Variants in TET1 observed in about 807,000 individuals in gnomAD.
The protein encoded by TET1 is tet methylcytosine dioxygenase 1.
TET1 carries 13 observed loss-of-function variants against 148.7 expected under a neutral mutation model. The observed-to-expected ratio is 0.09, with a 90% CI of 0.06 to 0.14. TET1 has a LOEUF of 0.14. Ranked by LOEUF, TET1 falls within the 10% of genes least tolerant of loss-of-function variation. The pLI is 1.00. For missense variants in TET1, 2,182 were observed against 2,553.8 expected (o/e 0.85, Z 3.14); for synonymous variants, 907 against 937.2 (o/e 0.97, Z 0.59).
intron 2 of TET1, among the ~76,000 whole-genome samples, chr10:68,583,147 C>T (rs1054070183): frequency 6.6e-6 from 1 of 152,250 alleles, no homozygotes; most frequent in East Asian, 1.9e-4. Context: ...ATTGAGCACC[C>T]TATTATCGTG....
chr10:68,689,893 A>T (rs1016406965), intron 11 of TET1, among the ~76,000 whole-genome samples: 2 of 152,204 alleles, frequency 1.3e-5, no homozygotes, highest in East Asian at 1.9e-4. Context: ...ACATCTTGAG[A>T]GTAATGATCT....
rs774201705 is a variant in TET1 at position 68,572,856 on chromosome 10, T to C, written c.518T>C (p.Ile173Thr). 131 of 1,614,174 alleles carry C rather than the reference T, an allele frequency of 8.1e-5. No individual in the cohort carries two copies. In the East Asian group the frequency reaches 1.9e-3, roughly 23 times the overall value. ...TQVLPDIETL[I>T]GVQNPSLLKG... Reference sequence around the variant, plus strand: ...GTCCTTCCTGATATAGAGACTCTAATTGGTGTACAAAATCCCTCTTTACTT... The same window carrying C: ...GTCCTTCCTGATATAGAGACTCTAACTGGTGTACAAAATCCCTCTTTACTT... The change falls in exon 2 of 12, where the codon ATT becomes ACT. Residue 173 changes from isoleucine (I) to threonine (T), a missense_variant. Coordinates refer to ENST00000373644, the MANE Select transcript of TET1 (RefSeq NM_030625.3).
intron 4 of TET1, among the ~76,000 whole-genome samples, chr10:68,650,406 G>A (rs932262577): frequency 4.6e-5 from 7 of 152,132 alleles, no homozygotes; most frequent in African/African-American, 1.7e-4. Flanking sequence ...ACTTTGGGAG[G>A]GGGAGGCGGG....
chr10:68,674,585 G>C, intron 8 of TET1: 1 of 537,524 alleles, frequency 1.9e-6, no homozygotes, highest in Admixed American at 2.1e-5. Context: ...TACTGAAGAT[G>C]TTCAGGGGAA....
Position 68,573,217 on chromosome 10 carries a change from A to G in TET1, c.879A>G (p.Glu293=), listed in dbSNP as rs1333783920. The G allele has an allele frequency of 3.1e-6, 5 of 1,613,900 alleles. No individual in the cohort carries two copies. Among genetic ancestry groups the G allele is most frequent in the Non-Finnish European group, 4.2e-6 (5 of 1,180,018 alleles). The change falls in exon 2 of 12, where the codon GAA becomes GAG. Residue 293 remains glutamate (E), a synonymous_variant. Transcript: ENST00000373644. ...SDSYLDPIKS[E]HDCYPTSSLN... ...CTTACCTGGATCCCATTAAAAGTGA[A>G]CATGATTGCTACCCCACCTCCAGTC...
chr10:68,617,617 C>T (rs1321227933), intron 3 of TET1, among the ~76,000 whole-genome samples: 1 of 152,138 alleles, frequency 6.6e-6, no homozygotes, highest in Non-Finnish European at 1.5e-5. Flanking sequence ...ATGATCTCGG[C>T]TCACCACAAC....
rs138090617 is a variant in TET1, at chr10:68,584,536, C to T, written c.1914+10284C>T. On this transcript the variant is annotated intron_variant, in intron 2 of 11. Transcript: ENST00000373644. Reference sequence around the variant, plus strand: ...CCAGCCTGGCCAACATGGTTAAACCCCGTCTCTACGAAAAATGCAAAAATT... The same window carrying T: ...CCAGCCTGGCCAACATGGTTAAACCTCGTCTCTACGAAAAATGCAAAAATT... Among the ~76,000 whole-genome samples the T allele has an allele frequency of 7.0e-3, 1,055 of 151,214 alleles. 7 individuals carry two copies. The highest frequency in any genetic ancestry group is 0.012 in the Non-Finnish European group (791 of 67,894).
rs576845339 is a variant in TET1, at chr10:68,621,681, A to G, written c.1968+20647A>G. ...GTTTCTTCTGGTTTTCCTTCTCTAC[A>G]TCTGTTGCATTTTCAATTTTTTTCT... On this transcript the variant is annotated intron_variant, in intron 3 of 11. Coordinates refer to ENST00000373644, the MANE Select transcript of TET1 (RefSeq NM_030625.3). Among the ~76,000 whole-genome samples, 8 of 152,310 alleles carry G rather than the reference A, an allele frequency of 5.3e-5. No homozygotes were observed. In the South Asian group the frequency reaches 1.7e-3, roughly 32 times the overall value.
At chr10:68,581,608 G>A (rs1169093359) in intron 2 of TET1, among the ~76,000 whole-genome samples, 6 of 152,132 alleles carry the variant, frequency 3.9e-5, no homozygotes, top group African/African-American at 1.2e-4. Flanking sequence ...TTAGGAGGCC[G>A]TGGCAGGCAG....
rs983167617 is a variant in TET1 at position 68,693,530 on chromosome 10, T to G, written c.*1716T>G. 2 of 233,074 alleles carry G rather than the reference T, an allele frequency of 8.6e-6. No homozygotes were observed. Among genetic ancestry groups the G allele is most frequent in the African/African-American group, 4.4e-5 (2 of 45,328 alleles). The allele number at this position is 233,074 out of a possible 1,614,324, so 14.4% of individuals were successfully genotyped here. ...TTTGACTAATCCAAGTAAAGGAATA[T>G]GAAGGGATTGTAAAAAACAAAATGT... On this transcript the variant is annotated 3_prime_UTR_variant, in exon 12 of 12. Coordinates refer to ENST00000373644, the MANE Select transcript of TET1 (RefSeq NM_030625.3).
At chr10:68,630,945 G>A (rs1564979327) in intron 3 of TET1, among the ~76,000 whole-genome samples, 1 of 150,998 alleles carries the variant, frequency 6.6e-6, no homozygotes, top group Non-Finnish European at 1.5e-5. Flanking sequence ...GGGAGGCTGA[G>A]GCAGGAGGAT....
At chr10:68,611,222 C>T (rs530950057) in intron 3 of TET1, among the ~76,000 whole-genome samples, 8 of 151,818 alleles carry the variant, frequency 5.3e-5, no homozygotes, top group East Asian at 1.9e-4. Flanking sequence ...CCTCAGGAGG[C>T]GGAGGTTGCA....
chr10:68,645,791 T>C lies in TET1; in HGVS notation c.3062T>C (p.Ile1021Thr), dbSNP rs775756548. Residue 1021 changes from isoleucine to threonine, a missense_variant, in exon 4 of 12, where the codon ATT (isoleucine) becomes ACT (threonine). Coordinates refer to ENST00000373644, the MANE Select transcript of TET1 (RefSeq NM_030625.3). ...NSSKIDTNKSIAQGIITLDNC... is the reference protein window; with the variant it reads ...NSSKIDTNKSTAQGIITLDNC... ...TCCAAGATTGACACCAATAAAAGTA[T>C]TGCTCAAGGGATAATTACTCTTGAC... is the stretch of plus-strand genomic sequence containing the variant. The C allele has an allele frequency of 3.2e-5, 52 of 1,613,966 alleles. No individual in the cohort carries two copies. The highest frequency in any genetic ancestry group is 4.4e-5 in the Non-Finnish European group (52 of 1,179,996).
rs150180547 is a variant in TET1 at position 68,682,868 on chromosome 10, G to A, written c.4947G>A (p.Arg1649=). The A allele has an allele frequency of 3.1e-6, 5 of 1,613,546 alleles. No homozygotes were observed. The South Asian group carries it at 5.5e-5, about 18-fold the overall frequency. The change falls in exon 10 of 12, where the codon CGG becomes CGA. Residue 1649 remains arginine, a synonymous_variant. Transcript: ENST00000373644. ...VEYENVAREC[R]LGSKEGRPFS... ...ATGAAAATGTTGCCCGAGAATGTCG[G>A]CTTGGCAGCAAGGAAGGTCGTCCCT... is the stretch of plus-strand genomic sequence containing the variant.
At chr10:68,602,262 C>T (rs1396041769) in intron 3 of TET1, among the ~76,000 whole-genome samples, 1 of 152,152 alleles carries the variant, frequency 6.6e-6, no homozygotes, top group Non-Finnish European at 1.5e-5. Context: ...GTAAATTAAA[C>T]CCTTTTCTGT....
chr10:68,574,140 C>T lies in TET1; in HGVS notation c.1802C>T (p.Thr601Ile). The T allele has an allele frequency of 6.2e-7, 1 of 1,613,948 alleles. No homozygotes were observed. Among genetic ancestry groups the T allele is most frequent in the Non-Finnish European group, 8.5e-7 (1 of 1,180,024 alleles). Residue 601 changes from threonine to isoleucine, a missense_variant, in exon 2 of 12, where the codon ACC (threonine) becomes ATC (isoleucine). Thr to Ile is a moderately conservative substitution (Grantham distance 89). Transcript: ENST00000373644. ...CGVCEPCQQK[T>I]NCGECTYCKN... is the part of the protein sequence containing the mutation. Reference sequence around the variant, plus strand: ...GTCTGTGAACCCTGCCAGCAGAAGACCAACTGTGGTGAATGCACTTACTGC... The same window carrying T: ...GTCTGTGAACCCTGCCAGCAGAAGATCAACTGTGGTGAATGCACTTACTGC...
At chr10:68,625,987 G>A (rs1026026128) in intron 3 of TET1, among the ~76,000 whole-genome samples, 2 of 151,674 alleles carry the variant, frequency 1.3e-5, no homozygotes, top group Non-Finnish European at 2.9e-5. Flanking sequence ...AGAAGGCTGA[G>A]GGGGGAGAAT....
chr10:68,568,230 T>C (rs1292109172), intron 1 of TET1, among the ~76,000 whole-genome samples: 3 of 147,544 alleles, frequency 2.0e-5, no homozygotes, highest in African/African-American at 7.6e-5. Context: ...TTTTTTTTTT[T>C]TTTTTTTTTG....
intron 3 of TET1, among the ~76,000 whole-genome samples, chr10:68,611,861 GGA>G (rs756555621): frequency 3.3e-4 from 29 of 88,774 alleles, no homozygotes; most frequent in African/African-American, 5.7e-4. Context: ...GGGGAGAGAG[GGA>G]GAGAGAGAGA....
Sources: allele counts gnomAD v4.1 joint callset (sites outside exome capture counted in the v4.1 genomes callset), GRCh38; gene constraint gnomAD v4.1.1; transcripts MANE v1.5; gene names NCBI Gene and HGNC (gene_info 2026-07-23, HGNC 2026-07-21).